Variants in ITGA2 observed in about 807,000 individuals in gnomAD.
ITGA2 encodes the protein integrin subunit alpha 2, also known as integrin alpha-2.
In ITGA2, 101 loss-of-function variants were observed where a neutral mutation model predicts 146.3. That is an observed-to-expected ratio of 0.69 (90% CI 0.59 to 0.81). ITGA2 has a LOEUF of 0.81. Among genes scored for constraint, ITGA2 ranks in the 40% least tolerant of loss-of-function variants. ITGA2 has a pLI of 0.00. For missense variants in ITGA2, 1,281 were observed against 1,402.7 expected, an observed-to-expected ratio of 0.91 and a Z score of 1.39; for synonymous variants, 477 against 487.1, an observed-to-expected ratio of 0.98 and a Z score of 0.27.
Position 53,062,944 on chromosome 5 carries a change from AT to A in ITGA2, c.1602+16del, listed in dbSNP as rs761734319. On this transcript the variant is annotated intron_variant, in intron 13 of 29. Coordinates refer to ENST00000296585, the MANE Select transcript of ITGA2 (RefSeq NM_002203.4). ...CTATCAAAGAGGTAAAAAAAAAAAA[AT>A]AAACTAATAGTTTAATTTGCTTTAG... 10 of 1,574,456 alleles carry A rather than the reference AT, an allele frequency of 6.4e-6. No individual in the cohort carries two copies. The highest frequency in any genetic ancestry group is 1.7e-5 in the Admixed American group (1 of 59,232).
intron 1 of ITGA2, among the ~76,000 whole-genome samples, chr5:52,992,781 G>A (rs970412851): frequency 6.6e-6 from 1 of 152,076 alleles, no homozygotes; most frequent in Non-Finnish European, 1.5e-5. Context: ...AAATGTTAGT[G>A]GCTCCCCATC....
intron 2 of ITGA2, among the ~76,000 whole-genome samples, chr5:53,040,490 T>G (rs1743736346): frequency 1.3e-5 from 2 of 152,306 alleles, no homozygotes; most frequent in South Asian, 4.1e-4. Flanking sequence ...TTCCCTCCCT[T>G]CATTAAAGTG....
At chr5:53,022,208 ATT>A (rs11446528) in intron 1 of ITGA2, among the ~76,000 whole-genome samples, 2 of 113,546 alleles carry the variant, frequency 1.8e-5, no homozygotes, top group South Asian at 2.8e-4. Flanking sequence ...GTTTCACTGC[ATT>A]TTTTTTTTTG....
In ITGA2 at chr5:53,078,760, A is replaced by G; in HGVS notation, c.2826-12A>G. The stretch of plus-strand genomic sequence containing the variant: ...AACTAAAATATTTGGCTTTACAAAC[A>G]TCATCCAACAGATCTACCAACATAA... On this transcript the variant is annotated splice_polypyrimidine_tract_variant and intron_variant, in intron 23 of 29. Transcript: ENST00000296585. 2.7e-6 allele frequency: 4 copies of G among 1,502,862 alleles called. No homozygotes were observed. Among genetic ancestry groups the G allele is most frequent in the Non-Finnish European group, 3.7e-6 (4 of 1,079,508 alleles). The allele number at this position is 1,502,862 out of a possible 1,614,324, so 93.1% of individuals were successfully genotyped here.
At chr5:53,037,820 C>A (rs1743561683) in intron 2 of ITGA2, among the ~76,000 whole-genome samples, 1 of 152,138 alleles carries the variant, frequency 6.6e-6, no homozygotes, top group Non-Finnish European at 1.5e-5. Context: ...TCAAGAGTTA[C>A]CAAAGTGGTC....
In ITGA2 at chr5:53,048,626, C is replaced by T. The variant is rs41268439; in HGVS notation, c.503-17C>T. The T allele has an allele frequency of 0.01, 16,849 of 1,613,990 alleles. 119 individuals carry two copies. The highest frequency in any genetic ancestry group is 0.011 in the Non-Finnish European group (13,437 of 1,179,912). On this transcript the variant is annotated splice_polypyrimidine_tract_variant and intron_variant, in intron 5 of 29. Coordinates refer to ENST00000296585, the MANE Select transcript of ITGA2 (RefSeq NM_002203.4). ...CTTACCTGTGGAAATCTGCTTCTTTCCTCTTTTCCTGTGTAGCCTGCCCTT... is the reference window on the plus strand; with the variant it reads ...CTTACCTGTGGAAATCTGCTTCTTTTCTCTTTTCCTGTGTAGCCTGCCCTT...
chr5:53,051,552 T>A lies in ITGA2; in HGVS notation c.772T>A (p.Tyr258Asn). Residue 258 changes from tyrosine (Y) to asparagine (N), a missense_variant, in exon 7 of 30, where the codon TAT (tyrosine) becomes AAT (asparagine). Around this residue, in one of 3 missense-constraint regions of ITGA2, gnomAD observed 795 missense variants for 841.7 expected, o/e 0.94. Coordinates refer to ENST00000296585, the MANE Select transcript of ITGA2 (RefSeq NM_002203.4). ...CACAAACACATTCGGAGCAATTCAA[T>A]ATGCAAGGTAAGTTTTGGTGCTAAT... The part of the protein sequence containing the change: ...DLTNTFGAIQ[Y>N]ARKYAYSAAS... The A allele has an allele frequency of 6.2e-7, 1 of 1,613,334 alleles. No individual in the cohort carries two copies. Among genetic ancestry groups the A allele is most frequent in the Non-Finnish European group, 8.5e-7 (1 of 1,179,544 alleles).
chr5:53,080,438 C>G (rs150434176), intron 24 of ITGA2, 73 bp from the exon 25 acceptor site: 1 of 1,179,356 alleles, frequency 8.5e-7, no homozygotes, highest in South Asian at 1.2e-5. Flanking sequence ...TTCATCAACA[C>G]GGGGTTACTG....
chr5:53,090,508 C>T lies in ITGA2; in HGVS notation c.3466-11C>T. 6.2e-7 allele frequency: 1 copy of T among 1,613,046 alleles called. No homozygotes were observed. The highest frequency in any genetic ancestry group is 8.5e-7 in the Non-Finnish European group (1 of 1,179,142). On this transcript the variant is annotated splice_polypyrimidine_tract_variant and intron_variant, in intron 29 of 29. Transcript: ENST00000296585. ...ACGGGTGGTAACATTCTTATATCATCACCTTTACAGCTCGGCTTCTTCAAA... is the reference window on the plus strand; with the variant it reads ...ACGGGTGGTAACATTCTTATATCATTACCTTTACAGCTCGGCTTCTTCAAA...
In ITGA2 at chr5:53,051,493, C is replaced by A. The variant is rs1579855219; in HGVS notation, c.713C>A (p.Ala238Glu). Residue 238 changes from alanine to glutamate, a missense_variant, in exon 7 of 30, where the codon GCA becomes GAA. Physicochemically the swap from Ala to Glu is moderately radical, Grantham distance 107. Around this residue, in one of 3 missense-constraint regions of ITGA2, gnomAD observed 795 missense variants for 841.7 expected, o/e 0.94. Transcript: ENST00000296585. ...AAAACCAAAGAAGAAATGATTGTAGCAACATCCCAGACATCCCAATATGGT... is the reference window on the plus strand; with the variant it reads ...AAAACCAAAGAAGAAATGATTGTAGAAACATCCCAGACATCCCAATATGGT... ...TYKTKEEMIVATSQTSQYGGD... is the reference protein window; with the variant it reads ...TYKTKEEMIVETSQTSQYGGD... The A allele has an allele frequency of 6.2e-7, 1 of 1,613,458 alleles. No individual in the cohort carries two copies. The highest frequency in any genetic ancestry group is 1.3e-5 in the African/African-American group (1 of 75,016).
In ITGA2 at chr5:53,090,627, C is replaced by T. The variant is rs779228093; in HGVS notation, c.*28C>T. On this transcript the variant is annotated 3_prime_UTR_variant, in exon 30 of 30. Coordinates refer to ENST00000296585, the MANE Select transcript of ITGA2 (RefSeq NM_002203.4). ...CAGCAGACCTACCTGCAGTGGGAAC[C>T]GGCAGCATCCCAGCCAGGGTTTGCT... 25 of 1,561,356 alleles carry T rather than the reference C, an allele frequency of 1.6e-5. No homozygotes were observed. The South Asian group carries it at 1.8e-4, about 11-fold the overall frequency.
chr5:53,014,327 C>T (rs189554875), intron 1 of ITGA2, among the ~76,000 whole-genome samples: 45 of 152,136 alleles, frequency 3.0e-4, no homozygotes, highest in African/African-American at 8.7e-4. Context: ...TGAATTTTAT[C>T]GAAAGGTTTT....
In ITGA2 at chr5:53,092,073, G is replaced by A. The variant is rs1472595121; in HGVS notation, c.*1474G>A. The A allele has an allele frequency of 6.6e-6, 1 of 152,242 alleles. No homozygotes were observed. The highest frequency in any genetic ancestry group is 1.5e-5 in the Non-Finnish European group (1 of 68,062). 9.4% of individuals were successfully genotyped at this position (152,242 alleles called of 1,614,324 possible). A position where few individuals can be genotyped will look rare whatever the true frequency, so the allele number is the denominator to read the frequency against. ...TAACAAGCACCCCAGTCACTAGGAT[G>A]CAGATGGACCACACTTTGAGAAACA... On this transcript the variant is annotated 3_prime_UTR_variant, in exon 30 of 30. Coordinates refer to ENST00000296585, the MANE Select transcript of ITGA2 (RefSeq NM_002203.4).
In ITGA2 at chr5:53,008,861, C is replaced by T. The variant is rs568993413; in HGVS notation, c.65-17887C>T. ...ACCCTAGGTACAGTCAATACATTAG[C>T]CTGATACTGTCTCATGGATGCTACA... On this transcript the variant is annotated intron_variant, in intron 1 of 29. Coordinates refer to ENST00000296585, the MANE Select transcript of ITGA2 (RefSeq NM_002203.4). Among the ~76,000 whole-genome samples, 6 of 152,220 alleles carry T rather than the reference C, an allele frequency of 3.9e-5. No individual in the cohort carries two copies. The South Asian group carries it at 1.2e-3, about 32-fold the overall frequency.
Position 53,094,184 on chromosome 5 carries a change from C to T in ITGA2, c.*3585C>T, listed in dbSNP as rs1740587172. 3.3e-5 allele frequency: 2 copies of T among 60,642 alleles called. No individual in the cohort carries two copies. The highest frequency in any genetic ancestry group is 7.4e-5 in the Non-Finnish European group (2 of 26,886). 3.8% of individuals were successfully genotyped at this position (60,642 alleles called of 1,614,324 possible). A position where few individuals can be genotyped will look rare whatever the true frequency, so the allele number is the denominator to read the frequency against. On this transcript the variant is annotated 3_prime_UTR_variant, in exon 30 of 30. Transcript: ENST00000296585. ...GATCCATCTTTAATATTTCAATTTG[C>T]ACACATAAAACAATGCCCTTTTGTG...
At chr5:53,090,362 G>T (rs1321271835) in intron 29 of ITGA2, among the ~76,000 whole-genome samples, 157 bp from the exon 30 acceptor site, 1 of 152,100 alleles carries the variant, frequency 6.6e-6, no homozygotes, top group Admixed American at 6.6e-5. Flanking sequence ...TTTCCTTCTA[G>T]CAGGTGGTAG....
intron 2 of ITGA2, among the ~76,000 whole-genome samples, chr5:53,029,838 G>A (rs1743139291): frequency 6.6e-6 from 1 of 152,156 alleles, no homozygotes; most frequent in Non-Finnish European, 1.5e-5. Context: ...TTCATCCCAA[G>A]TGCTATACAA....
chr5:53,022,332 G>T (rs1364497269), intron 1 of ITGA2, among the ~76,000 whole-genome samples: 1 of 151,846 alleles, frequency 6.6e-6, no homozygotes, highest in Non-Finnish European at 1.5e-5. Context: ...GACGGCCATT[G>T]AGATTACACG....
chr5:53,077,382 T>TTA (rs1745709436), intron 23 of ITGA2, among the ~76,000 whole-genome samples: 1 of 151,750 alleles, frequency 6.6e-6, no homozygotes, highest in Non-Finnish European at 1.5e-5. Flanking sequence ...AGTTATATTG[T>TTA]AAAAAAAATG....
Sources: allele counts gnomAD v4.1 joint callset (sites outside exome capture counted in the v4.1 genomes callset), GRCh38; gene constraint gnomAD v4.1.1; regional missense constraint gnomAD v4.1.1; transcripts MANE v1.5; gene names NCBI Gene and HGNC (gene_info 2026-07-23, HGNC 2026-07-21).